The following TEX13A variants were observed in gnomAD, a reference collection of about 807,000 sequenced individuals.
The protein encoded by TEX13A is testis-expressed protein 13A.
A neutral mutation model predicts 7.1 loss-of-function variants in TEX13A; 8 were observed. The observed-to-expected ratio is 1.12, with a 90% CI of 0.66 to 2.03. The LOEUF is 2.03. TEX13A is among the 30% of genes most tolerant of loss of function. The pLI is 0.00. For missense variants in TEX13A, 362 were observed against 332.2 expected (o/e 1.09, Z -0.70); for synonymous variants, 151 against 134.2 (o/e 1.13, Z -0.87).
In TEX13A at chrX:105,220,076, C is replaced by G. The variant is rs1556178739; in HGVS notation, c.322G>C (p.Ala108Pro). Residue 108 changes from alanine (A) to proline (P), a missense_variant, in exon 2 of 3, where the codon GCA (alanine) becomes CCA (proline). Physicochemically the swap from Ala to Pro is conservative, Grantham distance 27. Transcript: ENST00000600991. ...KLHKSAAQAL[A>P]SDLKKLREQQ... ...TCCCTGAGCTTCTTCAGGTCTGATG[C>G]CAAGGCCTGTGCGGCTGATTTGTGC... is the stretch of plus-strand genomic sequence containing the variant. 8.3e-7 allele frequency: 1 copy of G among 1,211,719 alleles called. No homozygotes were observed. The highest frequency in any genetic ancestry group is 3.0e-5 in the East Asian group (1 of 33,805).
chrX:105,219,608 C>T lies in TEX13A; in HGVS notation c.586G>A (p.Glu196Lys). 1 of 1,210,473 alleles carries T rather than the reference C, an allele frequency of 8.3e-7. No individual in the cohort carries two copies. The highest frequency in any genetic ancestry group is 1.1e-6 in the Non-Finnish European group (1 of 895,305). ...GAAGGKGAEE[E>K]QRDVEVVAAP... ...GCCACAACCTCCACATCCCTCTGCT[C>T]TTCTTCTGCTCCTTTTCCTCCAGCA... Residue 196 changes from glutamate (E) to lysine (K), a missense_variant, in exon 3 of 3, where the codon GAG (glutamate) becomes AAG (lysine). By Grantham distance (56) the Glu-to-Lys change is moderately conservative. Coordinates refer to ENST00000600991, the MANE Select transcript of TEX13A (RefSeq NM_031274.5).
In TEX13A at chrX:105,219,733, T is replaced by A; in HGVS notation, c.461A>T (p.Glu154Val). 8.3e-7 allele frequency: 1 copy of A among 1,205,520 alleles called. No individual in the cohort carries two copies. The highest frequency in any genetic ancestry group is 3.0e-5 in the East Asian group (1 of 33,727). ...CAGGCCTGGCCACCCTGCCCCCTGCTCCCACTCATGGGGAGACACCAGCTC... is the reference window on the plus strand; with the variant it reads ...CAGGCCTGGCCACCCTGCCCCCTGCACCCACTCATGGGGAGACACCAGCTC... Reference protein sequence around the residue: ...DKELVSPHEWEQGAGWPGLAT... With the variant: ...DKELVSPHEWVQGAGWPGLAT... Residue 154 changes from glutamate to valine, a missense_variant, in exon 3 of 3, where the codon GAG becomes GTG. Transcript: ENST00000600991.
chrX:105,219,027 A>G lies in TEX13A; in HGVS notation c.1167T>C (p.Asn389=), dbSNP rs199803207. 1.7e-6 allele frequency: 2 copies of G among 1,211,035 alleles called. No homozygotes were observed. The highest frequency in any genetic ancestry group is 1.8e-5 in the South Asian group (1 of 56,911). The part of the protein sequence containing the change: ...DWDCPWCNAV[N]FSRRDTCFDC... ...CGAAGCAAGTATCCCTCCGTGAAAA[A>G]TTCACAGCGTTACACCAAGGGCAGT... is the stretch of plus-strand genomic sequence containing the variant. The change falls in exon 3 of 3, where the codon AAT becomes AAC. Residue 389 remains asparagine (N), a synonymous_variant. Transcript: ENST00000600991.
Position 105,219,720 on chromosome X carries a change from C to T in TEX13A, c.474G>A (p.Gly158=). ...CTCCGGCAGTGGCCAGGCCTGGCCA[C>T]CCTGCCCCCTGCTCCCACTCATGGG... ...VSPHEWEQGA[G]WPGLATAGGV... The change falls in exon 3 of 3, where the codon GGG becomes GGA. Residue 158 remains glycine, a synonymous_variant. Coordinates refer to ENST00000600991, the MANE Select transcript of TEX13A (RefSeq NM_031274.5). 5 of 1,207,449 alleles carry T rather than the reference C, an allele frequency of 4.1e-6. No homozygotes were observed. Among genetic ancestry groups the T allele is most frequent in the Non-Finnish European group, 5.6e-6 (5 of 895,024 alleles).
rs185356738 is a variant in TEX13A at position 105,219,651 on chromosome X, C to T, written c.543G>A (p.Ala181=). 4.0e-5 allele frequency: 48 copies of T among 1,208,672 alleles called. No individual in the cohort carries two copies. The African/African-American group carries it at 5.8e-4, about 15-fold the overall frequency. The part of the protein sequence containing the change: ...EGAAEEEEEA[A]VAAAGAAGGK... ...CTCCAGCAGCACCAGCAGCAGCCAC[C>T]GCCGCCTCTTCTTCCTCCTCAGCTG... The change falls in exon 3 of 3, where the codon GCG becomes GCA. Residue 181 remains alanine (A), a synonymous_variant. Transcript: ENST00000600991.
At position 105,220,256 on chromosome X, in the gene TEX13A, CT is replaced by C. The variant is rs781970080; in HGVS notation, c.141del (p.Asp48ThrfsTer3). On this transcript the variant is annotated frameshift_variant, in exon 2 of 3. Coordinates refer to ENST00000600991, the MANE Select transcript of TEX13A (RefSeq NM_031274.5). LOFTEE classifies it high-confidence loss of function. ...ENISLSWEKV[E>X]DKLRAILEDS... is the part of the protein sequence containing the mutation. ...TCCTCCAGTATGGCCCTCAGCTTGT[CT>C]TCCACCTTCTCCCAGGATAAGGATA... 3 of 1,211,558 alleles carry C rather than the reference CT, an allele frequency of 2.5e-6. No homozygotes were observed. The South Asian group carries it at 5.3e-5, about 21-fold the overall frequency.
Position 105,219,602 on chromosome X carries a change from T to A in TEX13A, c.592A>T (p.Arg198Trp). The A allele has an allele frequency of 7.4e-6, 9 of 1,209,946 alleles. No homozygotes were observed. Among genetic ancestry groups the A allele is most frequent in the Non-Finnish European group, 1.0e-5 (9 of 895,192 alleles). ...AGGKGAEEEQ[R>W]DVEVVAAPVE... The stretch of plus-strand genomic sequence containing the variant: ...GGGGCAGCCACAACCTCCACATCCC[T>A]CTGCTCTTCTTCTGCTCCTTTTCCT... The change falls in exon 3 of 3, where the codon AGG (arginine) becomes TGG (tryptophan). Residue 198 changes from arginine (R) to tryptophan (W), a missense_variant. Transcript: ENST00000600991.
At position 105,219,950 on chromosome X, in the gene TEX13A, G is replaced by T. The variant is rs1413466059; in HGVS notation, c.435+13C>A. On this transcript the variant is annotated intron_variant, in intron 2 of 2. Transcript: ENST00000600991. ...TTGAGGGATCTTACTGCATGGAGCG[G>T]CTTCCAACTCACCTTGTCTCTCTCT... 8.4e-7 allele frequency: 1 copy of T among 1,187,572 alleles called. No homozygotes were observed. Among genetic ancestry groups the T allele is most frequent in the Admixed American group, 2.2e-5 (1 of 45,174 alleles).
Position 105,219,997 on chromosome X carries a change from G to T in TEX13A, c.401C>A (p.Thr134Asn). Residue 134 changes from threonine (T) to asparagine (N), a missense_variant, in exon 2 of 3, where the codon ACC becomes AAC. Coordinates refer to ENST00000600991, the MANE Select transcript of TEX13A (RefSeq NM_031274.5). ...EAASRLRMAQ[T>N]SLVEVQKERD... ...CTCTTTCTGCACCTCCACGAGGCTGGTCTGGGCCATTCTTAGCCGGGAGGC... is the reference window on the plus strand; with the variant it reads ...CTCTTTCTGCACCTCCACGAGGCTGTTCTGGGCCATTCTTAGCCGGGAGGC... 3 of 1,209,690 alleles carry T rather than the reference G, an allele frequency of 2.5e-6. No homozygotes were observed. The highest frequency in any genetic ancestry group is 3.4e-6 in the Non-Finnish European group (3 of 894,339).
rs1959854117 is a variant in TEX13A, at chrX:105,219,344, A to G, written c.850T>C (p.Trp284Arg). ...AGAGGTTCTGATGAGGCTCTGGACCAGGGGTTCGTGGTTCCAGAGAAATAA... is the reference window on the plus strand; with the variant it reads ...AGAGGTTCTGATGAGGCTCTGGACCGGGGGTTCGTGGTTCCAGAGAAATAA... ...TSYFSGTTNPWSRASSEPLPV... is the reference protein window; with the variant it reads ...TSYFSGTTNPRSRASSEPLPV... The change falls in exon 3 of 3, where the codon TGG becomes CGG. Residue 284 changes from tryptophan to arginine, a missense_variant. Trp to Arg is a moderately radical substitution (Grantham distance 101). Coordinates refer to ENST00000600991, the MANE Select transcript of TEX13A (RefSeq NM_031274.5). 5.0e-6 allele frequency: 6 copies of G among 1,211,404 alleles called. No homozygotes were observed. Among genetic ancestry groups the G allele is most frequent in the Non-Finnish European group, 6.7e-6 (6 of 895,290 alleles).
rs782263029 is a variant in TEX13A, at chrX:105,220,377, G to T, written c.21C>A (p.Asp7Glu). The change falls in exon 2 of 3, where the codon GAC (aspartate) becomes GAA (glutamate). Residue 7 changes from aspartate to glutamate, a missense_variant. Coordinates refer to ENST00000600991, the MANE Select transcript of TEX13A (RefSeq NM_031274.5). MALRPE[D>E]PSSGFRHSNV... ...TGCTATGCCGGAACCCGCTACTGGG[G>T]TCCTCAGGTCTCAAGGCCATGATCG... The T allele has an allele frequency of 8.4e-7, 1 of 1,190,788 alleles. No homozygotes were observed. Among genetic ancestry groups the T allele is most frequent in the Non-Finnish European group, 1.1e-6 (1 of 883,351 alleles).
Position 105,220,441 on chromosome X carries a change from G to A in TEX13A, c.-32-12C>T, listed in dbSNP as rs781807953. On this transcript the variant is annotated splice_polypyrimidine_tract_variant and intron_variant, in intron 1 of 2. Transcript: ENST00000600991. ...CGGTTTCACTAGCCCTGTGTGGATGGAGCAGCCAATAGGTTCCTTTCCTCC... is the reference window on the plus strand; with the variant it reads ...CGGTTTCACTAGCCCTGTGTGGATGAAGCAGCCAATAGGTTCCTTTCCTCC... 5 of 1,094,194 alleles carry A rather than the reference G, an allele frequency of 4.6e-6. No individual in the cohort carries two copies. The highest frequency in any genetic ancestry group is 3.1e-5 in the East Asian group (1 of 32,263). 90.2% of individuals were successfully genotyped at this position (1,094,194 alleles called of 1,213,427 possible).
Position 105,220,345 on chromosome X carries a change from A to G in TEX13A, c.53T>C (p.Val18Ala). 1 of 1,205,173 alleles carries G rather than the reference A, an allele frequency of 8.3e-7. No individual in the cohort carries two copies. Among genetic ancestry groups the G allele is most frequent in the African/African-American group, 1.7e-5 (1 of 57,647 alleles). The change falls in exon 2 of 3, where the codon GTG (valine) becomes GCG (alanine). Residue 18 changes from valine to alanine, a missense_variant. Transcript: ENST00000600991. ...GGCCATTTTCTCGTTGATGAAGGCC[A>G]CCACGTTGCTATGCCGGAACCCGCT... ...PSSGFRHSNV[V>A]AFINEKMARH...
chrX:105,219,014 C>A lies in TEX13A; in HGVS notation c.1180G>T (p.Asp394Tyr). Reference protein sequence around the residue: ...WCNAVNFSRRDTCFDCGKGIW... With the variant: ...WCNAVNFSRRYTCFDCGKGIW... ...CCCTTCCCACAGTCGAAGCAAGTATCCCTCCGTGAAAAATTCACAGCGTTA... is the reference window on the plus strand; with the variant it reads ...CCCTTCCCACAGTCGAAGCAAGTATACCTCCGTGAAAAATTCACAGCGTTA... The change falls in exon 3 of 3, where the codon GAT becomes TAT. Residue 394 changes from aspartate to tyrosine, a missense_variant. Asp to Tyr is a radical substitution (Grantham distance 160). Coordinates refer to ENST00000600991, the MANE Select transcript of TEX13A (RefSeq NM_031274.5). The A allele has an allele frequency of 1.7e-6, 2 of 1,211,346 alleles. No individual in the cohort carries two copies. Among genetic ancestry groups the A allele is most frequent in the Admixed American group, 2.2e-5 (1 of 46,037 alleles).
chrX:105,219,841 G>A, intron 2 of TEX13A, 83 bp from the exon 3 acceptor site: 7 of 1,083,209 alleles, frequency 6.5e-6, no homozygotes, highest in Non-Finnish European at 8.7e-6. Context: ...CTACCAGGTG[G>A]GAAGGGCGGG....
In TEX13A at chrX:105,220,401, C is replaced by T. The variant is rs781877063; in HGVS notation, c.-4G>A. The T allele has an allele frequency of 6.8e-6, 8 of 1,174,661 alleles. No homozygotes were observed. Among genetic ancestry groups the T allele is most frequent in the Admixed American group, 4.6e-5 (2 of 43,747 alleles). ...GGTCCTCAGGTCTCAAGGCCATGATCGCCTAGGGGTTTAACGGTTTCACTA... is the reference window on the plus strand; with the variant it reads ...GGTCCTCAGGTCTCAAGGCCATGATTGCCTAGGGGTTTAACGGTTTCACTA... On this transcript the variant is annotated 5_prime_UTR_variant, in exon 2 of 3. Coordinates refer to ENST00000600991, the MANE Select transcript of TEX13A (RefSeq NM_031274.5).
chrX:105,219,820 G>A (rs1556177783), intron 2 of TEX13A, 62 bp from the exon 3 acceptor site: 24 of 1,109,865 alleles, frequency 2.2e-5, no homozygotes, highest in Non-Finnish European at 2.6e-5. Context: ...ACTAAGCAGG[G>A]TAGGACGGAG....
At position 105,219,276 on chromosome X, in the gene TEX13A, G is replaced by A. The variant is rs782695080; in HGVS notation, c.918C>T (p.Ser306=). ...GTATGTCTGAGAAGGAGGAAAAAGG[G>A]CTTGAGTATGAGTATGAGTATGAGG... ...LPASYSYSYS[S]PFSSFSDIPT... is the part of the protein sequence containing the mutation. Residue 306 remains serine (S), a synonymous_variant, in exon 3 of 3, where the codon AGC becomes AGT. Transcript: ENST00000600991. 9.1e-6 allele frequency: 11 copies of A among 1,208,642 alleles called. No homozygotes were observed. The African/African-American group carries it at 1.9e-4, about 21-fold the overall frequency.
At position 105,219,109 on chromosome X, in the gene TEX13A, C is replaced by A. The variant is rs1253894570; in HGVS notation, c.1085G>T (p.Arg362Ile). The A allele has an allele frequency of 3.3e-6, 4 of 1,211,252 alleles. No homozygotes were observed. Among genetic ancestry groups the A allele is most frequent in the Non-Finnish European group, 4.5e-6 (4 of 895,353 alleles). Reference sequence around the variant, plus strand: ...TCTTTGCTGATGAGGTTCGGAGTATCTCCTGTCTCTTGGGTGCTCCTGATG... The same window carrying A: ...TCTTTGCTGATGAGGTTCGGAGTATATCCTGTCTCTTGGGTGCTCCTGATG... ...IDHQEHPRDR[R>I]YSEPHQQRPP... Residue 362 changes from arginine to isoleucine, a missense_variant, in exon 3 of 3, where the codon AGA becomes ATA. Transcript: ENST00000600991.
Sources: gnomAD v4.1 joint callset for allele counts on GRCh38, gnomAD v4.1.1 for gene constraint, MANE v1.5 for transcripts, NCBI Gene and HGNC (gene_info 2026-07-23, HGNC 2026-07-21) for gene names.